The following RECQL5 variants were observed in gnomAD, a reference collection of about 807,000 sequenced individuals.
The protein encoded by RECQL5 is RecQ like helicase 5.
RECQL5 carries 88 observed loss-of-function variants against 103.4 expected under a neutral mutation model. The observed-to-expected ratio is 0.85, with a 90% CI of 0.72 to 1.02. The LOEUF is 1.02. RECQL5 is among the 50% of genes least tolerant of loss of function. The pLI, the probability that RECQL5 is intolerant of heterozygous loss-of-function variation, is 0.00. For synonymous variants in RECQL5, 552 were observed against 507.9 expected, an observed-to-expected ratio of 1.09 and a Z score of -1.17; for missense variants, 1,232 against 1,284.3, an observed-to-expected ratio of 0.96 and a Z score of 0.62.
intron 3 of RECQL5, 37 bp downstream of exon 3, chr17:75,665,014 C>G (rs767338363): frequency 6.7e-7 from 1 of 1,500,968 alleles, no homozygotes; most frequent in East Asian, 2.6e-5. Context: ...TTCCCCGAAT[C>G]TTTTTGGGCT....
At chr17:75,651,350 G>A (rs889442244) in intron 7 of RECQL5, 85 bp from the exon 8 acceptor site, 12 of 1,480,588 alleles carry the variant, frequency 8.1e-6, no homozygotes, top group African/African-American at 2.8e-5. Flanking sequence ...GGCCGAGTGC[G>A]GTGGCTCACG....
chr17:75,629,320 C>G lies in RECQL5; in HGVS notation c.2103G>C (p.Leu701=). ...HEPPSRPCGL[L]DEDGSEPLPG... is the part of the protein sequence containing the mutation. ...GGAGGGGCTCACTCCCATCCTCATC[C>G]AGGAGGCCACAGGGCCGGCTCGGGG... The change falls in exon 16 of 20, where the codon CTG becomes CTC. Residue 701 remains leucine (L), a synonymous_variant. Coordinates refer to ENST00000317905, the MANE Select transcript of RECQL5 (RefSeq NM_004259.7). The G allele has an allele frequency of 6.5e-7, 1 of 1,541,008 alleles. No homozygotes were observed. Among genetic ancestry groups the G allele is most frequent in the South Asian group, 1.2e-5 (1 of 80,428 alleles).
Position 75,631,164 on chromosome 17 carries a change from T to G in RECQL5, c.1534A>C (p.Met512Leu), listed in dbSNP as rs751455046. 5 of 1,613,714 alleles carry G rather than the reference T, an allele frequency of 3.1e-6. No homozygotes were observed. The highest frequency in any genetic ancestry group is 3.4e-6 in the Non-Finnish European group (4 of 1,179,982). ...CCTCCCCTCACCTTGCGCAGCTGCA[T>G]CTGCTTCTGATAGAAGAGGTTCCAC... is the stretch of plus-strand genomic sequence containing the variant. Reference protein sequence around the residue: ...REWNLFYQKQMQLRKGKDPKI... With the variant: ...REWNLFYQKQLQLRKGKDPKI... Residue 512 changes from methionine (M) to leucine (L), a missense_variant, in exon 10 of 20, where the codon ATG becomes CTG. By Grantham distance (15) the Met-to-Leu change is conservative. Coordinates refer to ENST00000317905, the MANE Select transcript of RECQL5 (RefSeq NM_004259.7).
intron 8 of RECQL5, among the ~76,000 whole-genome samples, chr17:75,632,095 C>T (rs1382930332): frequency 2.0e-5 from 3 of 152,226 alleles, no homozygotes; most frequent in African/African-American, 7.2e-5. Flanking sequence ...ACGGACTGAG[C>T]GAAGATGGCT....
intron 12 of RECQL5, 36 bp downstream of exon 12, chr17:75,630,743 C>A (rs750934887): frequency 1.3e-6 from 2 of 1,599,024 alleles, no homozygotes; most frequent in Admixed American, 1.7e-5. Context: ...TGGGGGAGGG[C>A]CCCGGCGGGT....
chr17:75,630,461 T>C, intron 13 of RECQL5, 158 bp downstream of exon 13: 2 of 907,864 alleles, frequency 2.2e-6, no homozygotes, highest in East Asian at 2.6e-5. Context: ...GTTGTAGCCA[T>C]GCCTGGCCCT....
intron 3 of RECQL5, among the ~76,000 whole-genome samples, chr17:75,663,452 C>A (rs374460394): frequency 6.6e-6 from 1 of 151,774 alleles, no homozygotes; most frequent in Non-Finnish European, 1.5e-5. Context: ...GAGTTTTGAC[C>A]GCAACCCATC....
At chr17:75,627,888 G>A (rs1380104958) in intron 18 of RECQL5, among the ~76,000 whole-genome samples, 196 bp from the exon 19 acceptor site, 3 of 152,172 alleles carry the variant, frequency 2.0e-5, no homozygotes, top group East Asian at 1.9e-4. Flanking sequence ...GCGTGGTGGC[G>A]GGTGCCTGTA....
At chr17:75,630,747 G>A (rs747413550) in intron 12 of RECQL5, 32 bp downstream of exon 12, 10 of 1,596,264 alleles carry the variant, frequency 6.3e-6, no homozygotes, top group East Asian at 2.3e-5. Context: ...GGAGGGCCCC[G>A]GCGGGTGGCT....
intron 15 of RECQL5, 100 bp downstream of exon 15, chr17:75,629,608 G>T: frequency 6.6e-7 from 1 of 1,514,650 alleles, no homozygotes; most frequent in Admixed American, 2.1e-5. Flanking sequence ...CAGGACCCTG[G>T]TGGGGAGCCA....
chr17:75,647,442 G>C (rs1463248093), intron 8 of RECQL5: 2 of 1,549,910 alleles, frequency 1.3e-6, no homozygotes, highest in Non-Finnish European at 1.7e-6. Flanking sequence ...CCTGGGACCA[G>C]GGGGGCCTGG....
In RECQL5 at chr17:75,631,440, G is replaced by A. The variant is rs997720225; in HGVS notation, c.1448+10C>T. Reference sequence around the variant, plus strand: ...CAGCGGGTTGGAGCCCTGGCTTCTCGGCCCCTTACCTGCTGAAGTCCCCGT... The same window carrying A: ...CAGCGGGTTGGAGCCCTGGCTTCTCAGCCCCTTACCTGCTGAAGTCCCCGT... On this transcript the variant is annotated intron_variant, in intron 9 of 19. Transcript: ENST00000317905. The A allele has an allele frequency of 2.5e-6, 4 of 1,603,390 alleles. No individual in the cohort carries two copies. The highest frequency in any genetic ancestry group is 2.2e-5 in the East Asian group (1 of 44,550).
intron 14 of RECQL5, 65 bp downstream of exon 14, chr17:75,630,119 A>T: frequency 7.4e-7 from 1 of 1,345,408 alleles, no homozygotes; most frequent in Non-Finnish European, 1.0e-6. Flanking sequence ...GCTGGCAGAC[A>T]GCTTCTGCGT....
At chr17:75,656,208 C>G (rs979023451) in intron 7 of RECQL5, among the ~76,000 whole-genome samples, 5 of 152,134 alleles carry the variant, frequency 3.3e-5, no homozygotes, top group Non-Finnish European at 5.9e-5. Context: ...TTCCAAGTAG[C>G]TGGGATTACA....
At chr17:75,639,028 G>A (rs1341555473) in intron 8 of RECQL5, 2 of 152,388 alleles carry the variant, frequency 1.3e-5, no homozygotes, top group Admixed American at 1.3e-4. Flanking sequence ...TCACCATCCT[G>A]GGTGCTCATG....
chr17:75,630,375 G>A (rs1018839584), intron 13 of RECQL5, 98 bp from the exon 14 acceptor site: 2 of 1,143,112 alleles, frequency 1.7e-6, no homozygotes, highest in African/African-American at 3.1e-5. Context: ...GTAGGCCTTG[G>A]GCACAGGGAT....
In RECQL5 at chr17:75,631,617, G is replaced by A. The variant is rs199956398; in HGVS notation, c.1281C>T (p.Cys427=). 102 of 1,612,396 alleles carry A rather than the reference G, an allele frequency of 6.3e-5. No homozygotes were observed. Among genetic ancestry groups the A allele is most frequent in the East Asian group, 5.8e-4 (26 of 44,880 alleles). ...TCTGGCAGTGGTCGCAGCCTTTGGCGCAGGCAGGCAGCGCATCCCCGAAGT... is the reference window on the plus strand; with the variant it reads ...TCTGGCAGTGGTCGCAGCCTTTGGCACAGGCAGGCAGCGCATCCCCGAAGT... ...AKYFGDALPA[C]AKGCDHCQNP... is the part of the protein sequence containing the mutation. Residue 427 remains cysteine, a synonymous_variant, in exon 9 of 20, where the codon TGC becomes TGT. Coordinates refer to ENST00000317905, the MANE Select transcript of RECQL5 (RefSeq NM_004259.7).
chr17:75,666,611 C>A (rs1260660728), intron 1 of RECQL5, 40 bp from the exon 2 acceptor site: 2 of 1,584,240 alleles, frequency 1.3e-6, no homozygotes, highest in Non-Finnish European at 1.7e-6. Flanking sequence ...AAGGTTGCCA[C>A]GAGAACCCTC....
In RECQL5 at chr17:75,658,322, G is replaced by C; in HGVS notation, c.1125C>G (p.Ile375Met). 1.2e-6 allele frequency: 2 copies of C among 1,613,800 alleles called. No homozygotes were observed. Among genetic ancestry groups the C allele is most frequent in the Non-Finnish European group, 1.7e-6 (2 of 1,179,826 alleles). Residue 375 changes from isoleucine to methionine, a missense_variant, in exon 7 of 20, where the codon ATC (isoleucine) becomes ATG (methionine). Ile to Met is a conservative substitution (Grantham distance 10, BLOSUM62 1). Coordinates refer to ENST00000317905, the MANE Select transcript of RECQL5 (RefSeq NM_004259.7). ...CCTGGAGTTTTGCTACTTCCTTCCT[G>C]ATCAGGAAGCTGACTTGGTCCCGGT... ...RNDRDQVSFLIRKEVAKLQEK... is the reference protein window; with the variant it reads ...RNDRDQVSFLMRKEVAKLQEK...
Sources: gnomAD v4.1 joint callset for allele counts (sites outside exome capture counted in the v4.1 genomes callset) on GRCh38, gnomAD v4.1.1 for gene constraint, MANE v1.5 for transcripts, NCBI Gene and HGNC (gene_info 2026-07-23, HGNC 2026-07-21) for gene names.